Variants in TRAF2 observed in about 807,000 individuals in gnomAD.
TRAF2 encodes the protein TNF receptor-associated factor 2.
A neutral mutation model predicts 55.6 loss-of-function variants in TRAF2; 6 were observed. The ratio of observed to expected loss-of-function variants is 0.11; its 90% CI spans 0.06 to 0.21. The LOEUF (loss-of-function observed/expected upper bound fraction) is 0.21, where lower values mean the gene tolerates loss of function less well. TRAF2 is among the 10% of genes least tolerant of loss of function. The pLI, the probability that TRAF2 is intolerant of heterozygous loss-of-function variation, is 1.00. For missense variants in TRAF2, 561 were observed against 684.5 expected (o/e 0.82, Z 2.01); for synonymous variants, 329 against 276.3 (o/e 1.19, Z -1.89).
At position 136,916,552 on chromosome 9, in the gene TRAF2, C is replaced by T. The variant is rs574367399; in HGVS notation, c.615C>T (p.His205=). ...KKIPREKFQD[H]VKTCGKCRVP... ...TCACTCCCTTGTAGTTTCAGGACCACGTCAAGACTTGTGGCAAGTGTCGAG... is the reference window on the plus strand; with the variant it reads ...TCACTCCCTTGTAGTTTCAGGACCATGTCAAGACTTGTGGCAAGTGTCGAG... The change falls in exon 7 of 11, where the codon CAC becomes CAT. Residue 205 remains histidine (H), a synonymous_variant. Transcript: ENST00000247668. 42 of 1,614,002 alleles carry T rather than the reference C, an allele frequency of 2.6e-5. No individual in the cohort carries two copies. In the Middle Eastern group the frequency reaches 6.6e-4, roughly 25 times the overall value.
At chr9:136,888,622 G>C (rs1209794932) in intron 1 of TRAF2, among the ~76,000 whole-genome samples, 1 of 152,238 alleles carries the variant, frequency 6.6e-6, no homozygotes, top group African/African-American at 2.4e-5. Flanking sequence ...GACCCCTGCA[G>C]CGGCCAGGTT....
At chr9:136,911,264 C>CTTTTTTTTTTTTTTTTTTT (rs34077067) in intron 6 of TRAF2, among the ~76,000 whole-genome samples, 7 of 122,546 alleles carry the variant, frequency 5.7e-5, no homozygotes, top group African/African-American at 1.9e-4. Flanking sequence ...TCCTTCCCGT[C>CTTTTTTTTTTTTTTTTTTT]TTTTTTTTTT....
rs773540765 is a variant in TRAF2, at chr9:136,908,195, G to A, written c.492G>A (p.Arg164=). The stretch of plus-strand genomic sequence containing the variant: ...GCCCGGAGAGAAGCCTGAGCTGCCG[G>A]CATTGCCGGGCACCCTGCTGCGGAG... ...HECPERSLSC[R]HCRAPCCGAD... Residue 164 remains arginine (R), a synonymous_variant, in exon 5 of 11, where the codon CGG becomes CGA. Coordinates refer to ENST00000247668, the MANE Select transcript of TRAF2 (RefSeq NM_021138.4). 1 of 1,598,968 alleles carries A rather than the reference G, an allele frequency of 6.3e-7. No homozygotes were observed. The highest frequency in any genetic ancestry group is 1.7e-5 in the Admixed American group (1 of 59,694).
chr9:136,913,312 T>TTTTTC (rs1298383662), intron 6 of TRAF2, among the ~76,000 whole-genome samples: 1 of 142,634 alleles, frequency 7.0e-6, no homozygotes, highest in Non-Finnish European at 1.5e-5. Context: ...TTTTTTTTTT[T>TTTTTC]TTTTTGAGAT....
At chr9:136,909,487 G>A (rs1271540547) in intron 5 of TRAF2, among the ~76,000 whole-genome samples, 1 of 152,084 alleles carries the variant, frequency 6.6e-6, no homozygotes, top group African/African-American at 2.4e-5. Context: ...AGATGGACGG[G>A]CCTGACCATA....
intron 6 of TRAF2, among the ~76,000 whole-genome samples, chr9:136,913,362 A>G (rs1258831400): frequency 7.7e-6 from 1 of 129,378 alleles, no homozygotes; most frequent in African/African-American, 3.1e-5. Flanking sequence ...CAGTGGCGCA[A>G]TCTCGGTTCA....
intron 6 of TRAF2, 137 bp downstream of exon 6, chr9:136,910,131 G>A: frequency 2.1e-6 from 2 of 948,072 alleles, no homozygotes; most frequent in East Asian, 5.3e-5. Context: ...TGTAACGTTG[G>A]GTCATGGATG....
Position 136,887,099 on chromosome 9 carries a change from G to A in TRAF2, c.-29+558G>A, listed in dbSNP as rs59471504. ...CGACTCTGCTGCCTTCCTGCCCAGT[G>A]GCTGGGGAGACCCAGGCTGAGCCTG... On this transcript the variant is annotated intron_variant, in intron 1 of 10. Transcript: ENST00000247668. Among the ~76,000 whole-genome samples, 1,365 of 152,316 alleles carry A rather than the reference G, an allele frequency of 9.0e-3. 64 individuals are homozygous for A. In the East Asian group the frequency reaches 0.13, roughly 15 times the overall value.
At chr9:136,907,895 T>A (rs868498154) in intron 4 of TRAF2, among the ~76,000 whole-genome samples, 175 bp from the exon 5 acceptor site, 9 of 151,576 alleles carry the variant, frequency 5.9e-5, no homozygotes, top group Non-Finnish European at 1.0e-4. Flanking sequence ...ACTGATCTGA[T>A]CTCCTCCTGC....
At chr9:136,925,516 G>A (rs866173679) in intron 10 of TRAF2, among the ~76,000 whole-genome samples, 167 bp from the exon 11 acceptor site, 1 of 151,690 alleles carries the variant, frequency 6.6e-6, no homozygotes, top group African/African-American at 2.4e-5. Context: ...CCCGGGCGCT[G>A]TGGCAGGAGC....
At chr9:136,918,249 ATATATATATT>A (rs1466129295) in intron 7 of TRAF2, among the ~76,000 whole-genome samples, 1 of 47,712 alleles carries the variant, frequency 2.1e-5, no homozygotes, top group African/African-American at 1.4e-4. Flanking sequence ...ATATATATAT[ATATATATATT>A]TATTTAATTA....
chr9:136,898,995 C>T, intron 2 of TRAF2, 67 bp downstream of exon 2: 3 of 1,490,726 alleles, frequency 2.0e-6, no homozygotes, highest in Non-Finnish European at 2.7e-6. Context: ...CCACGCTGCC[C>T]AGCCTGGTAG....
At chr9:136,882,785 C>T (rs571718476), upstream of TRAF2, 26 of 982,842 alleles carry the variant, frequency 2.6e-5, no homozygotes, top group South Asian at 2.4e-4. Context: ...AGCTGGTGGG[C>T]GGGGTGGGGA....
Position 136,925,882 on chromosome 9 carries a change from T to C in TRAF2, c.1487T>C (p.Val496Ala). The change falls in exon 11 of 11, where the codon GTG (valine) becomes GCG (alanine). Residue 496 changes from valine (V) to alanine (A), a missense_variant. Around this residue, in one of 2 missense-constraint regions of TRAF2, gnomAD observed 135 missense variants for 207.7 expected, o/e 0.65. Coordinates refer to ENST00000247668, the MANE Select transcript of TRAF2 (RefSeq NM_021138.4). ...GATGCCATCTTCATCAAGGCCATTG[T>C]GGACCTGACAGGGCTCTAACTGCCC... ...RDDAIFIKAI[V>A]DLTGL The C allele has an allele frequency of 6.2e-7, 1 of 1,614,200 alleles. No homozygotes were observed. The highest frequency in any genetic ancestry group is 8.5e-7 in the Non-Finnish European group (1 of 1,180,044).
chr9:136,892,488 T>C (rs991131301), intron 1 of TRAF2, among the ~76,000 whole-genome samples: 4 of 151,206 alleles, frequency 2.6e-5, no homozygotes, highest in Admixed American at 6.6e-5. Flanking sequence ...ATAAAAAGAA[T>C]GTGGCTTAAA....
Position 136,925,721 on chromosome 9 carries a change from C to T in TRAF2, c.1326C>T (p.His442=), listed in dbSNP as rs560077345. 1.1e-5 allele frequency: 18 copies of T among 1,614,206 alleles called. No homozygotes were observed. The East Asian group carries it at 1.8e-4, about 16-fold the overall frequency. The part of the protein sequence containing the change: ...LMLLDQNNRE[H]VIDAFRPDVT... ...TGCTCGACCAGAATAACCGGGAGCA[C>T]GTGATTGACGCCTTCAGGCCCGACG... Residue 442 remains histidine (H), a synonymous_variant, in exon 11 of 11, where the codon CAC becomes CAT. Transcript: ENST00000247668.
chr9:136,916,463 A>C, intron 6 of TRAF2, 78 bp from the exon 7 acceptor site: 1 of 1,435,984 alleles, frequency 7.0e-7, no homozygotes, highest in Non-Finnish European at 9.8e-7. Flanking sequence ...CCTCTGTGTC[A>C]GTCAGTGTGG....
intron 1 of TRAF2, among the ~76,000 whole-genome samples, chr9:136,888,570 G>A (rs17243648): frequency 1.3e-4 from 20 of 152,196 alleles, no homozygotes; most frequent in African/African-American, 4.8e-4. Flanking sequence ...TTGTGAGAAG[G>A]GCGAGGCCTG....
rs575097919 is a variant in TRAF2 at position 136,911,774 on chromosome 9, C to T, written c.603+1780C>T. Among the ~76,000 whole-genome samples the T allele has an allele frequency of 3.4e-4, 52 of 151,214 alleles. No individual in the cohort carries two copies. In the South Asian group the frequency reaches 0.01, roughly 30 times the overall value. ...GGCTGTCTGTGCCCCCTGGCCCGTTCCAGAGGAGAATGCTGAGAGTGCTCT... is the reference window on the plus strand; with the variant it reads ...GGCTGTCTGTGCCCCCTGGCCCGTTTCAGAGGAGAATGCTGAGAGTGCTCT... On this transcript the variant is annotated intron_variant, in intron 6 of 10. Transcript: ENST00000247668.
Sources: gnomAD v4.1 joint callset for allele counts (sites outside exome capture counted in the v4.1 genomes callset) on GRCh38, gnomAD v4.1.1 for gene constraint, gnomAD v4.1.1 regional missense constraint, MANE v1.5 for transcripts, NCBI Gene and HGNC (gene_info 2026-07-23, HGNC 2026-07-21) for gene names.